The following PGM2L1 variants were observed in gnomAD, a reference collection of about 807,000 sequenced individuals.
PGM2L1 encodes the protein glucose 1,6-bisphosphate synthase.
In PGM2L1, 35 loss-of-function variants were observed where a neutral mutation model predicts 73.4. The ratio of observed to expected loss-of-function variants is 0.48; its 90% CI spans 0.36 to 0.63. The LOEUF (loss-of-function observed/expected upper bound fraction) is 0.63, where lower values mean the gene tolerates loss of function less well. Ranked by LOEUF, PGM2L1 falls within the 30% of genes least tolerant of loss-of-function variation. The probability of loss-of-function intolerance (pLI) is 0.00; values close to 1 mark genes in which losing one functional copy is unlikely to be tolerated. For missense variants in PGM2L1, 570 were observed against 742.0 expected (o/e 0.77, Z 2.69); for synonymous variants, 225 against 253.8 (o/e 0.89, Z 1.08).
Position 74,367,148 on chromosome 11 carries a change from A to G in PGM2L1, c.555+1344T>C, listed in dbSNP as rs186268036. 3.3e-5 allele frequency among the ~76,000 whole-genome samples: 5 copies of G among 152,288 alleles called. No homozygotes were observed. The East Asian group carries it at 9.7e-4, about 29-fold the overall frequency. On this transcript the variant is annotated intron_variant, in intron 5 of 13. Coordinates refer to ENST00000298198, the MANE Select transcript of PGM2L1 (RefSeq NM_173582.6). ...TTTTGTTTGGGTGGGTGGTAATGTT[A>G]ATTTACAGAGATAACAGACTGAAGG...
chr11:74,384,332 C>T (rs1862990920), intron 1 of PGM2L1, among the ~76,000 whole-genome samples: 1 of 151,930 alleles, frequency 6.6e-6, no homozygotes, highest in Admixed American at 6.6e-5. Flanking sequence ...ATTTTCATTT[C>T]TCCACCAATT....
chr11:74,345,644 C>A lies in PGM2L1; in HGVS notation c.1043G>T (p.Cys348Phe), dbSNP rs965810779. 1 of 1,613,298 alleles carries A rather than the reference C, an allele frequency of 6.2e-7. No homozygotes were observed. Among genetic ancestry groups the A allele is most frequent in the Non-Finnish European group, 8.5e-7 (1 of 1,179,504 alleles). ...CTCATTCCCTGTGAAAACTTTCCAA[C>A]AACCACTGTAGAGAGAAGGAAAATA... ...LAAAELQENG[C>F]WKVFTGNELA... The change falls in exon 9 of 14, where the codon TGT becomes TTT. Residue 348 changes from cysteine to phenylalanine, a missense_variant. By Grantham distance (205) the Cys-to-Phe change is radical. Coordinates refer to ENST00000298198, the MANE Select transcript of PGM2L1 (RefSeq NM_173582.6).
chr11:74,346,362 T>C (rs760753064), intron 8 of PGM2L1, among the ~76,000 whole-genome samples: 42 of 151,746 alleles, frequency 2.8e-4, no homozygotes, highest in Non-Finnish European at 3.8e-4. Context: ...GGATATTATG[T>C]CTTTGTAAAA....
At chr11:74,355,462 G>A (rs1234189851) in intron 5 of PGM2L1, 2 of 396,474 alleles carry the variant, frequency 5.0e-6, no homozygotes, top group African/African-American at 4.2e-5. Context: ...GCTGAGGCAG[G>A]AGAATGGCGT....
At chr11:74,388,133 T>C (rs1479626532) in intron 1 of PGM2L1, among the ~76,000 whole-genome samples, 1 of 152,180 alleles carries the variant, frequency 6.6e-6, no homozygotes, top group Non-Finnish European at 1.5e-5. Flanking sequence ...AGTGGAATGA[T>C]GGTTGCCAGA....
chr11:74,362,902 C>T (rs897570136), intron 5 of PGM2L1, among the ~76,000 whole-genome samples: 6 of 152,312 alleles, frequency 3.9e-5, no homozygotes, highest in African/African-American at 1.4e-4. Flanking sequence ...TAGATATCTA[C>T]AGAACTCTCC....
intron 12 of PGM2L1, 141 bp downstream of exon 12, chr11:74,342,320 G>T: frequency 1.5e-6 from 1 of 669,154 alleles, no homozygotes; most frequent in Non-Finnish European, 2.2e-6. Flanking sequence ...GGCTGTTCCA[G>T]AATTGTCACC....
intron 4 of PGM2L1, among the ~76,000 whole-genome samples, chr11:74,370,372 C>G (rs902134425): frequency 6.6e-6 from 1 of 152,144 alleles, no homozygotes; most frequent in Non-Finnish European, 1.5e-5. Context: ...CTTCCTTAAT[C>G]CATGAATAGT....
In PGM2L1 at chr11:74,333,645, A is replaced by G. The variant is rs967507345; in HGVS notation, c.*3007T>C. ...CACAATAAAGGAAAATGGTAGGTGC[A>G]TACTCATCATAACAACAAATAAACA... On this transcript the variant is annotated 3_prime_UTR_variant, in exon 14 of 14. Transcript: ENST00000298198. 6.6e-6 allele frequency: 1 copy of G among 152,222 alleles called. No individual in the cohort carries two copies. The highest frequency in any genetic ancestry group is 6.5e-5 in the Admixed American group (1 of 15,282). 9.4% of individuals were successfully genotyped at this position (152,222 alleles called of 1,614,324 possible). A position where few individuals can be genotyped will look rare whatever the true frequency, so the allele number is the denominator to read the frequency against.
intron 1 of PGM2L1, among the ~76,000 whole-genome samples, chr11:74,379,335 G>A (rs946225942): frequency 2.6e-5 from 4 of 151,842 alleles, no homozygotes; most frequent in African/African-American, 9.7e-5. Context: ...ATTCATGAGG[G>A]AACCACCTCC....
chr11:74,342,462 G>A lies in PGM2L1; in HGVS notation c.1631C>T (p.Ser544Leu), dbSNP rs559483556. The A allele has an allele frequency of 4.1e-6, 6 of 1,445,876 alleles. No individual in the cohort carries two copies. In the African/African-American group the frequency reaches 7.3e-5, roughly 18 times the overall value. The allele number at this position is 1,445,876 out of a possible 1,614,324, so 89.6% of individuals were successfully genotyped here. A position where few individuals can be genotyped will look rare whatever the true frequency, so the allele number is the denominator to read the frequency against. ...GYDSSQPNKK[S>L]VLPVSKNSQM... ...TTGGAAAAAAAAAAAGGTACTTACT[G>A]ATTTCTTATTAGGCTGGCTACTGTC... The change falls in exon 12 of 14, where the codon TCA becomes TTA. Residue 544 changes from serine (S) to leucine (L), a missense_variant and splice_region_variant. Ser to Leu is a moderately radical substitution (Grantham distance 145, BLOSUM62 -2). Transcript: ENST00000298198.
At chr11:74,384,504 T>G (rs901055449) in intron 1 of PGM2L1, among the ~76,000 whole-genome samples, 1 of 151,954 alleles carries the variant, frequency 6.6e-6, no homozygotes, top group African/African-American at 2.4e-5. Flanking sequence ...TGCAGGTTCT[T>G]GTTTATGTTG....
intron 10 of PGM2L1, 67 bp downstream of exon 10, chr11:74,343,253 ACTC>A (rs1053908617): frequency 2.0e-5 from 29 of 1,486,574 alleles, no homozygotes; most frequent in Admixed American, 1.3e-4. Context: ...AACACAAAAA[ACTC>A]CTCCTACAGA....
rs1254417212 is a variant in PGM2L1, at chr11:74,346,723, T to A, written c.1037+9A>T. ...TCAAGCTTTTAATCAAATAACAGAT[T>A]CTACATACTTCTCCTGAAGTTCTGC... On this transcript the variant is annotated intron_variant, in intron 8 of 13. Coordinates refer to ENST00000298198, the MANE Select transcript of PGM2L1 (RefSeq NM_173582.6). 1.9e-6 allele frequency: 3 copies of A among 1,604,564 alleles called. No homozygotes were observed. The Admixed American group carries it at 5.0e-5, about 27-fold the overall frequency.
chr11:74,363,424 C>T (rs141885169), intron 5 of PGM2L1, among the ~76,000 whole-genome samples: 4 of 152,080 alleles, frequency 2.6e-5, no homozygotes, highest in African/African-American at 7.2e-5. Context: ...ACACAGAAAA[C>T]CCTTCAAAAA....
chr11:74,347,075 T>C, intron 7 of PGM2L1, 73 bp downstream of exon 7: 1 of 1,232,416 alleles, frequency 8.1e-7, no homozygotes, highest in African/African-American at 1.5e-5. Flanking sequence ...AAGTAATCTT[T>C]GAATTGTCAA....
At chr11:74,380,504 T>G (rs983012354) in intron 1 of PGM2L1, among the ~76,000 whole-genome samples, 2 of 151,990 alleles carry the variant, frequency 1.3e-5, no homozygotes, top group African/African-American at 4.8e-5. Context: ...TGAGATTTAT[T>G]TGAATAATTG....
rs569065948 is a variant in PGM2L1, at chr11:74,353,145, G to T, written c.556-1569C>A. Among the ~76,000 whole-genome samples the T allele has an allele frequency of 2.0e-5, 3 of 148,296 alleles. No homozygotes were observed. The South Asian group carries it at 6.6e-4, about 32-fold the overall frequency. On this transcript the variant is annotated intron_variant, in intron 5 of 13. Coordinates refer to ENST00000298198, the MANE Select transcript of PGM2L1 (RefSeq NM_173582.6). ...CAGTGAAATCCTTGAGGTTCTAGCA[G>T]AATTTTTAAAACAAACAAAAAACCC... is the stretch of plus-strand genomic sequence containing the variant.
chr11:74,343,698 T>C (rs1209250055), intron 9 of PGM2L1, among the ~76,000 whole-genome samples: 1 of 151,270 alleles, frequency 6.6e-6, no homozygotes, highest in African/African-American at 2.4e-5. Context: ...CAAAGTAACA[T>C]GAATAAGCAC....
Sources: gnomAD v4.1 joint callset for allele counts (sites outside exome capture counted in the v4.1 genomes callset) on GRCh38, gnomAD v4.1.1 for gene constraint, MANE v1.5 for transcripts, NCBI Gene and HGNC (gene_info 2026-07-23, HGNC 2026-07-21) for gene names.